Variants in CSMD1 observed in about 807,000 individuals in gnomAD.
CSMD1 encodes CUB and Sushi multiple domains 1, also known as CUB and sushi domain-containing protein 1.
CSMD1 carries 213 observed loss-of-function variants against 417.5 expected under a neutral mutation model. That is an observed-to-expected ratio of 0.51 (90% confidence interval 0.46 to 0.57). The LOEUF (loss-of-function observed/expected upper bound fraction) is 0.57. CSMD1 is among the 20% of genes least tolerant of loss of function. CSMD1 has a pLI of 0.00. For missense variants in CSMD1, 6,923 were observed against 4,529.7 expected, an observed-to-expected ratio of 1.53 and a Z score of -15.17; for synonymous variants, 2,862 against 1,736.8, an observed-to-expected ratio of 1.65 and a Z score of -16.11.
chr8:4,037,343 T>A (rs1474355482), intron 3 of CSMD1, among the ~76,000 whole-genome samples: 1 of 152,196 alleles, frequency 6.6e-6, no homozygotes, highest in African/African-American at 2.4e-5. Context: ...TACCAAGCAC[T>A]TGAAGTGAGC....
intron 2 of CSMD1, among the ~76,000 whole-genome samples, chr8:4,436,901 C>G (rs186300268): frequency 3.3e-5 from 5 of 152,144 alleles, no homozygotes; most frequent in Non-Finnish European, 5.9e-5. Context: ...ACCACATTTT[C>G]TTTATCCATT....
At chr8:4,627,430 G>C (rs377691062) in intron 2 of CSMD1, among the ~76,000 whole-genome samples, 21 of 152,080 alleles carry the variant, frequency 1.4e-4, no homozygotes, top group African/African-American at 4.8e-4. Context: ...TACTTCTGTG[G>C]ATTTGATACC....
chr8:3,839,612 A>C (rs974794911), intron 5 of CSMD1, among the ~76,000 whole-genome samples: 70 of 139,534 alleles, frequency 5.0e-4, no homozygotes, highest in African/African-American at 1.1e-3. Context: ...ATAGTTGCCC[A>C]CTGCACTCCA....
chr8:4,338,303 G>C (rs544012418), intron 3 of CSMD1, among the ~76,000 whole-genome samples: 28 of 152,242 alleles, frequency 1.8e-4, no homozygotes, highest in Middle Eastern at 3.4e-3. Flanking sequence ...GTTGAATATA[G>C]TTAGTTACAC....
At chr8:4,406,537 T>A (rs560299469) in intron 3 of CSMD1, among the ~76,000 whole-genome samples, 1 of 152,138 alleles carries the variant, frequency 6.6e-6, no homozygotes, top group African/African-American at 2.4e-5. Flanking sequence ...TCTAAGAAGT[T>A]TGAGGAGCAC....
At chr8:3,873,063 G>T (rs755356773) in intron 5 of CSMD1, among the ~76,000 whole-genome samples, 1 of 151,966 alleles carries the variant, frequency 6.6e-6, no homozygotes. Context: ...ACAGATGCTG[G>T]CAAGGTTGCA....
At chr8:3,715,863 G>C (rs1367272664) in intron 6 of CSMD1, among the ~76,000 whole-genome samples, 1 of 152,042 alleles carries the variant, frequency 6.6e-6, no homozygotes, top group Non-Finnish European at 1.5e-5. Context: ...TTTTTAAAAG[G>C]CACACGGCCT....
At chr8:3,865,530 G>C (rs1370468652) in intron 5 of CSMD1, among the ~76,000 whole-genome samples, 1 of 151,962 alleles carries the variant, frequency 6.6e-6, no homozygotes, top group African/African-American at 2.4e-5. Flanking sequence ...GTTGGGGGTG[G>C]AGGCAATGAG....
chr8:3,003,319 T>A (rs889865546), intron 52 of CSMD1, among the ~76,000 whole-genome samples: 3 of 152,220 alleles, frequency 2.0e-5, no homozygotes, highest in African/African-American at 7.2e-5. Context: ...ATGCTTTGTA[T>A]GTGAGTTACC....
intron 7 of CSMD1, among the ~76,000 whole-genome samples, chr8:3,693,182 G>C (rs1024928962): frequency 6.6e-6 from 1 of 152,090 alleles, no homozygotes; most frequent in Non-Finnish European, 1.5e-5. Flanking sequence ...AAATTGGTCA[G>C]GAGTCAATGA....
intron 2 of CSMD1, among the ~76,000 whole-genome samples, chr8:4,427,650 C>A (rs957558336): frequency 1.3e-5 from 2 of 151,988 alleles, no homozygotes; most frequent in African/African-American, 4.8e-5. Flanking sequence ...TATTTTTATA[C>A]GTTAACTTTT....
chr8:4,718,891 T>C (rs1289921303), intron 1 of CSMD1, among the ~76,000 whole-genome samples: 1 of 152,132 alleles, frequency 6.6e-6, no homozygotes, highest in Non-Finnish European at 1.5e-5. Flanking sequence ...TACGTATCTT[T>C]GAACTCTATG....
intron 2 of CSMD1, among the ~76,000 whole-genome samples, chr8:4,604,233 T>A (rs932006271): frequency 6.6e-6 from 1 of 152,046 alleles, no homozygotes; most frequent in Non-Finnish European, 1.5e-5. Flanking sequence ...TAACTTTGAT[T>A]GACTACTACC....
At chr8:3,497,519 C>T (rs558548063) in intron 10 of CSMD1, among the ~76,000 whole-genome samples, 9 of 152,138 alleles carry the variant, frequency 5.9e-5, no homozygotes, top group Admixed American at 6.5e-5. Flanking sequence ...ATTCTCATGT[C>T]TCACCCTTCT....
intron 1 of CSMD1, among the ~76,000 whole-genome samples, chr8:4,937,675 T>A (rs546139382): frequency 6.6e-6 from 1 of 152,294 alleles, no homozygotes; most frequent in South Asian, 2.1e-4. Flanking sequence ...TCATTTAAAA[T>A]AGAGCAGTGG....
intron 8 of CSMD1, among the ~76,000 whole-genome samples, chr8:3,589,741 G>C (rs754748701): frequency 1.3e-5 from 2 of 152,252 alleles, no homozygotes; most frequent in Middle Eastern, 3.4e-3. Context: ...TGTCTGGAGA[G>C]ATTTTGAAAG....
chr8:4,896,352 C>G (rs1441967538), intron 1 of CSMD1, among the ~76,000 whole-genome samples: 1 of 152,024 alleles, frequency 6.6e-6, no homozygotes, highest in African/African-American at 2.4e-5. Flanking sequence ...CATATTTGAG[C>G]TTAACACAGG....
intron 2 of CSMD1, among the ~76,000 whole-genome samples, chr8:4,507,191 T>C (rs934462678): frequency 2.0e-5 from 3 of 152,226 alleles, no homozygotes; most frequent in African/African-American, 7.2e-5. Flanking sequence ...TGCCATCTGT[T>C]TGTTAATAAG....
chr8:3,679,173 C>G (rs1308077499), intron 7 of CSMD1, among the ~76,000 whole-genome samples: 1 of 152,076 alleles, frequency 6.6e-6, no homozygotes, highest in African/African-American at 2.4e-5. Context: ...GGATCAAATT[C>G]ACACATAACA....
Sources: gnomAD v4.1 joint callset for allele counts (sites outside exome capture counted in the v4.1 genomes callset) on GRCh38, gnomAD v4.1.1 for gene constraint, MANE v1.5 for transcripts, NCBI Gene and HGNC (gene_info 2026-07-23, HGNC 2026-07-21) for gene names.